DCLK1: variants seen among roughly 807,000 people sequenced by gnomAD.
DCLK1 encodes doublecortin like kinase 1, also known as serine/threonine-protein kinase DCLK1.
In DCLK1, 16 loss-of-function variants were observed where a neutral mutation model predicts 86.2. The observed-to-expected ratio is 0.19, with a 90% CI of 0.13 to 0.28. The LOEUF is 0.28. DCLK1 is among the 10% of genes least tolerant of loss of function. The probability of loss-of-function intolerance (pLI) is 1.00; values close to 1 mark genes in which losing one functional copy is unlikely to be tolerated. For synonymous variants in DCLK1, 369 were observed against 370.5 expected, an observed-to-expected ratio of 1.00 and a Z score of 0.05; for missense variants, 590 against 940.2, an observed-to-expected ratio of 0.63 and a Z score of 4.87.
At chr13:36,088,437 C>T (rs190956774) in intron 3 of DCLK1, among the ~76,000 whole-genome samples, 1 of 152,312 alleles carries the variant, frequency 6.6e-6, no homozygotes, top group Admixed American at 6.5e-5. Flanking sequence ...GCTGTTCTCT[C>T]ATTCTTCCTT....
chr13:36,016,993 A>G (rs994201564), intron 3 of DCLK1, among the ~76,000 whole-genome samples: 8 of 152,202 alleles, frequency 5.3e-5, no homozygotes, highest in African/African-American at 1.9e-4. Flanking sequence ...ACATCCAACC[A>G]AATGAGAAAG....
At chr13:35,967,888 G>T (rs1878863250) in intron 3 of DCLK1, among the ~76,000 whole-genome samples, 1 of 151,956 alleles carries the variant, frequency 6.6e-6, no homozygotes, top group Admixed American at 6.6e-5. Flanking sequence ...CTGGGCGGTG[G>T]TACATTGCTG....
At chr13:35,959,907 A>G (rs2000257) in intron 3 of DCLK1, among the ~76,000 whole-genome samples, 151,592 of 151,692 alleles carry the variant, frequency 1, 75,746 homozygotes, top group Middle Eastern at 1. Flanking sequence ...CTGTGTGTGC[A>G]TGTTTATGTG....
intron 3 of DCLK1, among the ~76,000 whole-genome samples, chr13:36,065,242 G>A (rs1883704917): frequency 6.6e-6 from 1 of 152,072 alleles, no homozygotes; most frequent in South Asian, 2.1e-4. Context: ...CTATAAAATG[G>A]GCATAGAAAC....
chr13:36,081,663 G>A (rs1884426238), intron 3 of DCLK1, among the ~76,000 whole-genome samples: 1 of 152,078 alleles, frequency 6.6e-6, no homozygotes, highest in Admixed American at 6.6e-5. Flanking sequence ...TCTACCTCCT[G>A]CACTCAACCC....
intron 3 of DCLK1, among the ~76,000 whole-genome samples, chr13:36,074,263 G>A (rs2153162064): frequency 6.6e-6 from 1 of 152,114 alleles, no homozygotes; most frequent in East Asian, 1.9e-4. Flanking sequence ...AGCACTTTGG[G>A]AGGCCGAGGC....
chr13:35,817,367 G>C (rs1016455768), intron 11 of DCLK1, among the ~76,000 whole-genome samples: 2 of 152,080 alleles, frequency 1.3e-5, no homozygotes, highest in South Asian at 2.1e-4. Flanking sequence ...CAAATTCAGA[G>C]AGTAGAATTT....
Position 35,774,043 on chromosome 13 carries a change from A to G in DCLK1, c.*492T>C, listed in dbSNP as rs1384435402. 1 of 153,274 alleles carries G rather than the reference A, an allele frequency of 6.5e-6. No individual in the cohort carries two copies. Among genetic ancestry groups the G allele is most frequent in the Non-Finnish European group, 1.5e-5 (1 of 68,624 alleles). 9.5% of individuals were successfully genotyped at this position (153,274 alleles called of 1,614,324 possible). ...TAAACCTGCCACGTTCTAAACCCAC[A>G]GAAAAGGACAAACAAGATATCATTC... On this transcript the variant is annotated 3_prime_UTR_variant, in exon 17 of 17. Coordinates refer to ENST00000360631, the MANE Select transcript of DCLK1 (RefSeq NM_001330071.2).
intron 4 of DCLK1, among the ~76,000 whole-genome samples, chr13:35,910,479 T>A (rs951247328): frequency 6.6e-6 from 1 of 152,242 alleles, no homozygotes; most frequent in African/African-American, 2.4e-5. Flanking sequence ...AGCTCCAAGA[T>A]AATTTGAATA....
chr13:35,827,894 T>C, intron 9 of DCLK1, 140 bp from the exon 10 acceptor site: 4 of 1,084,204 alleles, frequency 3.7e-6, no homozygotes, highest in Non-Finnish European at 5.3e-6. Flanking sequence ...TATTCTGATA[T>C]TCAGATATAG....
chr13:35,885,757 G>T (rs999939840), intron 4 of DCLK1, among the ~76,000 whole-genome samples: 14 of 152,244 alleles, frequency 9.2e-5, no homozygotes, highest in African/African-American at 3.4e-4. Context: ...TTGCTGATTT[G>T]TCATCTAAAA....
chr13:35,979,333 A>C (rs572692339), intron 3 of DCLK1, among the ~76,000 whole-genome samples: 1 of 151,926 alleles, frequency 6.6e-6, no homozygotes, highest in Admixed American at 6.6e-5. Context: ...CATGGAAGAC[A>C]AGGGATGTCA....
intron 3 of DCLK1, among the ~76,000 whole-genome samples, chr13:36,077,199 T>C (rs1338101300): frequency 6.6e-6 from 1 of 152,250 alleles, no homozygotes; most frequent in Non-Finnish European, 1.5e-5. Context: ...GTGACACTGC[T>C]ATAAAGTCTT....
At chr13:35,849,846 A>G (rs1469001973) in intron 6 of DCLK1, 2 of 980,406 alleles carry the variant, frequency 2.0e-6, no homozygotes, top group African/African-American at 3.5e-5. Context: ...TCCAGACACA[A>G]TTTTTTTTAG....
rs370817803 is a variant in DCLK1, at chr13:35,897,861, C to A, written c.824-26521G>T. ...GATAAAACTGTACTTGATAGTCGTA[C>A]TTAGAGGGTTGCTGTATCTTAAACA... On this transcript the variant is annotated intron_variant, in intron 4 of 16. Transcript: ENST00000360631. 7.9e-5 allele frequency among the ~76,000 whole-genome samples: 12 copies of A among 152,258 alleles called. No individual in the cohort carries two copies. In the East Asian group the frequency reaches 1.9e-3, roughly 24 times the overall value.
At chr13:36,038,090 C>A (rs1178282807) in intron 3 of DCLK1, among the ~76,000 whole-genome samples, 1 of 152,094 alleles carries the variant, frequency 6.6e-6, no homozygotes, top group East Asian at 1.9e-4. Flanking sequence ...TTTATTGAAT[C>A]CAAGAGAATA....
intron 3 of DCLK1, among the ~76,000 whole-genome samples, chr13:35,991,693 A>G (rs1880237130): frequency 6.6e-6 from 1 of 152,282 alleles, no homozygotes; most frequent in African/African-American, 2.4e-5. Context: ...TGTATTAAGT[A>G]AATTTGCATG....
intron 15 of DCLK1, among the ~76,000 whole-genome samples, chr13:35,796,908 C>T (rs956495132): frequency 3.3e-5 from 5 of 152,144 alleles, no homozygotes; most frequent in East Asian, 1.9e-4. Flanking sequence ...TATTTGGACA[C>T]GACTTAATGG....
At chr13:35,835,439 G>A (rs1869290502) in intron 8 of DCLK1, among the ~76,000 whole-genome samples, 1 of 152,210 alleles carries the variant, frequency 6.6e-6, no homozygotes, top group Non-Finnish European at 1.5e-5. Context: ...TAGCTGGGTT[G>A]TAACTTTATC....
Sources: gnomAD v4.1 joint callset for allele counts (sites outside exome capture counted in the v4.1 genomes callset) on GRCh38, gnomAD v4.1.1 for gene constraint, MANE v1.5 for transcripts, NCBI Gene and HGNC (gene_info 2026-07-23, HGNC 2026-07-21) for gene names.